Variants in MIDEAS observed in about 807,000 individuals in gnomAD.
MIDEAS encodes mitotic deacetylase-associated SANT domain protein.
Under a neutral mutation model 102.7 loss-of-function variants are expected in MIDEAS, and 26 were observed. The ratio of observed to expected loss-of-function variants is 0.25; its 90% CI spans 0.19 to 0.35. The LOEUF (loss-of-function observed/expected upper bound fraction) is 0.35. MIDEAS is among the 10% of genes least tolerant of loss of function. The pLI, the probability that MIDEAS is intolerant of heterozygous loss-of-function variation, is 1.00. For missense variants in MIDEAS, 1,231 were observed against 1,435.6 expected, an observed-to-expected ratio of 0.86 and a Z score of 2.30; for synonymous variants, 585 against 591.0, an observed-to-expected ratio of 0.99 and a Z score of 0.15.
intron 1 of MIDEAS, among the ~76,000 whole-genome samples, chr14:73,757,043 TG>T (rs1313969347): frequency 6.6e-6 from 1 of 151,826 alleles, no homozygotes; most frequent in Non-Finnish European, 1.5e-5. Flanking sequence ...GAGGCCAAAG[TG>T]GGTGGATTTC....
rs2140125766 is a variant in MIDEAS at position 73,740,167 on chromosome 14, A to C, written c.-159T>G. 1 of 852,692 alleles carries C rather than the reference A, an allele frequency of 1.2e-6. No individual in the cohort carries two copies. The highest frequency in any genetic ancestry group is 1.7e-5 in the African/African-American group (1 of 57,430). The allele number at this position is 852,692 out of a possible 1,614,324, so 52.8% of individuals were successfully genotyped here. A position where few individuals can be genotyped will look rare whatever the true frequency, so the allele number is the denominator to read the frequency against. On this transcript the variant is annotated 5_prime_UTR_variant, in exon 2 of 13. Coordinates refer to ENST00000423556, the MANE Select transcript of MIDEAS (RefSeq NM_001367710.1). ...ACAGTGAGGTCGGACACTGGGAGAA[A>C]GAACTGCTGGCTCTTCCTTTCTCTT... is the stretch of plus-strand genomic sequence containing the variant.
chr14:73,735,879 G>A (rs900220591), intron 3 of MIDEAS, among the ~76,000 whole-genome samples: 2 of 152,184 alleles, frequency 1.3e-5, no homozygotes, highest in East Asian at 1.9e-4. Flanking sequence ...AGAATTGGCC[G>A]GGTGCGGTGG....
At chr14:73,741,253 A>G (rs2053277933) in intron 1 of MIDEAS, among the ~76,000 whole-genome samples, 1 of 152,100 alleles carries the variant, frequency 6.6e-6, no homozygotes, top group Non-Finnish European at 1.5e-5. Flanking sequence ...TCGTAACTTG[A>G]TTTTTTAAAG....
rs2053539599 is a variant in MIDEAS at position 73,760,074 on chromosome 14, C to T, written c.-559G>A. On this transcript the variant is annotated 5_prime_UTR_variant, in exon 1 of 13. Transcript: ENST00000423556. This position sits in a 1 kb window ranked among gnomAD's most constrained non-coding sequence, Gnocchi z 4.8. ...GCGCTCTGCCTCCCTCCGTGTCACCCCCAGTCCTGCGATGCAGTGTCAGGA... is the reference window on the plus strand; with the variant it reads ...GCGCTCTGCCTCCCTCCGTGTCACCTCCAGTCCTGCGATGCAGTGTCAGGA... The T allele has an allele frequency of 6.6e-6, 1 of 152,016 alleles. No individual in the cohort carries two copies. Among genetic ancestry groups the T allele is most frequent in the South Asian group, 2.1e-4 (1 of 4,826 alleles). The allele number at this position is 152,016 out of a possible 1,614,324, so 9.4% of individuals were successfully genotyped here. A position where few individuals can be genotyped will look rare whatever the true frequency, so the allele number is the denominator to read the frequency against.
At chr14:73,764,339 C>CAAAAAAAAA (rs5809629), upstream of MIDEAS, among the ~76,000 whole-genome samples, 2 of 88,256 alleles carry the variant, frequency 2.3e-5, no homozygotes, top group African/African-American at 8.9e-5. Flanking sequence ...GACCCTGTCT[C>CAAAAAAAAA]AAAAAAAAAA....
intron 1 of MIDEAS, among the ~76,000 whole-genome samples, chr14:73,765,759 A>C (rs942708513): frequency 1.3e-5 from 2 of 151,972 alleles, no homozygotes; most frequent in African/African-American, 4.8e-5. Context: ...TCCCACACCC[A>C]GATCTCCCAC....
At chr14:73,753,998 G>A (rs956571035) in intron 1 of MIDEAS, among the ~76,000 whole-genome samples, 18 of 152,208 alleles carry the variant, frequency 1.2e-4, no homozygotes, top group African/African-American at 4.3e-4. Flanking sequence ...GGAGGCTGAG[G>A]AAGGGCTGCA....
At chr14:73,747,574 A>G (rs1195679509) in intron 1 of MIDEAS, among the ~76,000 whole-genome samples, 1 of 151,792 alleles carries the variant, frequency 6.6e-6, no homozygotes, top group East Asian at 1.9e-4. Flanking sequence ...ACCCCAAACC[A>G]GGTCTCTCTC....
At chr14:73,719,229 CCCCT>C in intron 12 of MIDEAS, 72 bp downstream of exon 12, 2 of 780,778 alleles carry the variant, frequency 2.6e-6, no homozygotes, top group Non-Finnish European at 1.9e-6. Flanking sequence ...TCTTCCCCCT[CCCCT>C]CCACCCCACC....
At position 73,738,887 on chromosome 14, in the gene MIDEAS, G is replaced by A. The variant is rs750508997; in HGVS notation, c.1122C>T (p.Asn374=). ...GTQPGQEATG[N]LFLHHWPLQQ... The stretch of plus-strand genomic sequence containing the variant: ...GCAGGGGCCAGTGATGTAGGAACAG[G>A]TTGCCAGTGGCCTCCTGCCCAGGCT... The change falls in exon 2 of 13, where the codon AAC becomes AAT. Residue 374 remains asparagine, a synonymous_variant. Transcript: ENST00000423556. 23 of 1,550,888 alleles carry A rather than the reference G, an allele frequency of 1.5e-5. No individual in the cohort carries two copies. Among genetic ancestry groups the A allele is most frequent in the Non-Finnish European group, 1.9e-5 (22 of 1,148,682 alleles).
intron 1 of MIDEAS, among the ~76,000 whole-genome samples, chr14:73,777,464 T>C (rs2053701771): frequency 6.6e-6 from 1 of 152,020 alleles, no homozygotes; most frequent in South Asian, 2.1e-4. Flanking sequence ...AGCATCTCCT[T>C]CTACCTGCAC....
upstream of MIDEAS, among the ~76,000 whole-genome samples, chr14:73,761,637 T>C (rs1228814851): frequency 6.6e-6 from 1 of 152,184 alleles, no homozygotes; most frequent in Non-Finnish European, 1.5e-5. Context: ...GATTCTGTGA[T>C]TACAGTAAGT....
At chr14:73,722,085 C>A (rs909317845) in intron 10 of MIDEAS, among the ~76,000 whole-genome samples, 1 of 152,200 alleles carries the variant, frequency 6.6e-6, no homozygotes, top group African/African-American at 2.4e-5. Context: ...TTTTATACTT[C>A]TCTAGACTTG....
chr14:73,781,884 T>C (rs745450935), intron 1 of MIDEAS, among the ~76,000 whole-genome samples: 7 of 152,110 alleles, frequency 4.6e-5, no homozygotes, highest in Admixed American at 6.6e-5. Flanking sequence ...TGGGGAAACC[T>C]TGTCTTTACT....
intron 2 of MIDEAS, among the ~76,000 whole-genome samples, chr14:73,737,808 G>T (rs1258766750): frequency 7.1e-6 from 1 of 140,604 alleles, no homozygotes; most frequent in Non-Finnish European, 1.5e-5. Context: ...GAGACAGGGG[G>T]TCTCACTCTG....
Position 73,754,076 on chromosome 14 carries a change from G to A in MIDEAS, c.-248+5687C>T, listed in dbSNP as rs2053453218. On this transcript the variant is annotated intron_variant, in intron 1 of 12. Coordinates refer to ENST00000423556, the MANE Select transcript of MIDEAS (RefSeq NM_001367710.1). ...CAGAAAGCAAGCAAGCCTGCCCAGA[G>A]GCCACCACAGTAAATGTCCCACAAG... 1.3e-5 allele frequency among the ~76,000 whole-genome samples: 2 copies of A among 152,188 alleles called. 1 individual carries two copies. Among genetic ancestry groups the A allele is most frequent in the South Asian group, 4.1e-4 (2 of 4,832 alleles).
chr14:73,774,113 C>T (rs556491166), intron 1 of MIDEAS, among the ~76,000 whole-genome samples: 4 of 151,792 alleles, frequency 2.6e-5, no homozygotes, highest in African/African-American at 9.7e-5. Context: ...CTGAGTGGCA[C>T]GCAGACCTGG....
rs566954429 is a variant in MIDEAS at position 73,767,461 on chromosome 14, A to C, written c.-248+19641T>G. The stretch of plus-strand genomic sequence containing the variant: ...AGACCAGCCTGGGCAACACGGCAAG[A>C]CCTGTCTCGAAAAAAAAATAAAGAA... On this transcript the variant is annotated intron_variant, in intron 1 of 11. Coordinates refer to the MIDEAS transcript ENST00000394071. Among the ~76,000 whole-genome samples, 3 of 151,924 alleles carry C rather than the reference A, an allele frequency of 2.0e-5. No homozygotes were observed. The South Asian group carries it at 6.3e-4, about 32-fold the overall frequency.
At chr14:73,752,862 C>G (rs2053437720) in intron 1 of MIDEAS, among the ~76,000 whole-genome samples, 1 of 152,208 alleles carries the variant, frequency 6.6e-6, no homozygotes, top group Admixed American at 6.5e-5. Context: ...AGCATGCGGG[C>G]ACAGCAGAGC....
Sources: allele counts gnomAD v4.1 joint callset (sites outside exome capture counted in the v4.1 genomes callset), GRCh38; gene constraint gnomAD v4.1.1; non-coding constraint Gnocchi (gnomAD v3.1); transcripts MANE v1.5; gene names NCBI Gene and HGNC (gene_info 2026-07-23, HGNC 2026-07-21).